The following MTAP variants were observed in gnomAD, a reference collection of about 807,000 sequenced individuals.
The protein encoded by MTAP is S-methyl-5'-thioadenosine phosphorylase.
A neutral mutation model predicts 33.6 loss-of-function variants in MTAP; 33 were observed. The ratio of observed to expected loss-of-function variants is 0.98; its 90% CI spans 0.74 to 1.31. The LOEUF (loss-of-function observed/expected upper bound fraction) is 1.31. MTAP is among the 40% of genes most tolerant of loss of function. The pLI, the probability that MTAP is intolerant of heterozygous loss-of-function variation, is 0.00. For missense variants in MTAP, 367 were observed against 360.0 expected, an observed-to-expected ratio of 1.02 and a Z score of -0.16; for synonymous variants, 148 against 125.7, an observed-to-expected ratio of 1.18 and a Z score of -1.19.
At position 21,865,383 on chromosome 9, in the gene MTAP, CT is replaced by C; in HGVS notation, c.*3372del. 1.1e-6 allele frequency: 1 copy of C among 946,390 alleles called. No individual in the cohort carries two copies. Among genetic ancestry groups the C allele is most frequent in the Non-Finnish European group, 1.3e-6 (1 of 794,428 alleles). The allele number at this position is 946,390 out of a possible 1,614,324, so 58.6% of individuals were successfully genotyped here. ...ACTGTGAGTTAATTAAACCTCTTTC[CT>C]TTATAAATTACCCAGTCATGGGCAG... On this transcript the variant is annotated 3_prime_UTR_variant, in exon 8 of 8. Transcript: ENST00000644715.
At chr9:21,901,390 C>A (rs1818390650) in intron 1 of MTAP, among the ~76,000 whole-genome samples, 1 of 152,004 alleles carries the variant, frequency 6.6e-6, no homozygotes, top group African/African-American at 2.4e-5. Context: ...AGTTTAATAG[C>A]ACAGGAGGAA....
rs1020757334 is a variant in MTAP at position 21,803,036 on chromosome 9, A to ACACC, written c.33+256_33+257insACCC. 9.6e-5 allele frequency: 100 copies of ACACC among 1,039,898 alleles called. 2 individuals carry two copies. Among genetic ancestry groups the ACACC allele is most frequent in the African/African-American group, 7.9e-4 (43 of 54,722 alleles). 64.4% of individuals were successfully genotyped at this position (1,039,898 alleles called of 1,614,324 possible). ...CACACACACACACACACACACACACACCACCTTTTGGCTTATCTGCACCCG... is the reference window on the plus strand; with the variant it reads ...CACACACACACACACACACACACACACACCCCACCTTTTGGCTTATCTGCACCCG... On this transcript the variant is annotated intron_variant, in intron 1 of 7. Transcript: ENST00000644715.
intron 1 of MTAP, among the ~76,000 whole-genome samples, chr9:21,890,172 G>C (rs1300458185): frequency 1.3e-5 from 2 of 152,006 alleles, no homozygotes; most frequent in Non-Finnish European, 2.9e-5. Flanking sequence ...TATGTTCCCA[G>C]GTGGATTATG....
At chr9:21,809,291 C>T (rs915122622) in intron 1 of MTAP, among the ~76,000 whole-genome samples, 2 of 152,118 alleles carry the variant, frequency 1.3e-5, no homozygotes, top group African/African-American at 4.8e-5. Context: ...TAGCTAGGAT[C>T]TCTTGGGACA....
At chr9:21,930,975 T>C (rs1818948422) in intron 1 of MTAP, 1 of 744,590 alleles carries the variant, frequency 1.3e-6, no homozygotes, top group South Asian at 1.4e-5. Context: ...AAAAATCTAA[T>C]AACCCAATTT....
At chr9:21,819,239 C>T (rs1051368366) in intron 4 of MTAP, among the ~76,000 whole-genome samples, 1 of 151,884 alleles carries the variant, frequency 6.6e-6, no homozygotes, top group African/African-American at 2.4e-5. Context: ...GTGCTGCACC[C>T]ATTAACTCGT....
At chr9:21,811,768 C>G in intron 1 of MTAP, 1 of 529,628 alleles carries the variant, frequency 1.9e-6, no homozygotes. Flanking sequence ...TGTACCAGTA[C>G]AGGAAAGCTT....
chr9:21,837,777 ATC>A, intron 4 of MTAP, 129 bp from the exon 5 acceptor site: 1 of 710,488 alleles, frequency 1.4e-6, no homozygotes, highest in Non-Finnish European at 2.4e-6. Flanking sequence ...TCTTTAGCTT[ATC>A]CAGAGGAATT....
At chr9:21,826,297 CA>C (rs1465438913) in intron 4 of MTAP, among the ~76,000 whole-genome samples, 1 of 149,980 alleles carries the variant, frequency 6.7e-6, no homozygotes, top group Non-Finnish European at 1.5e-5. Flanking sequence ...TTGGTTTGTT[CA>C]AATAAGGGTC....
At chr9:21,826,852 G>A (rs1199101274) in intron 4 of MTAP, among the ~76,000 whole-genome samples, 2 of 151,996 alleles carry the variant, frequency 1.3e-5, no homozygotes, top group Admixed American at 6.6e-5. Flanking sequence ...TGGGGCGAGA[G>A]CGAGCATTAC....
chr9:21,828,237 C>G (rs1824872615), intron 4 of MTAP, among the ~76,000 whole-genome samples: 1 of 152,208 alleles, frequency 6.6e-6, no homozygotes, highest in Non-Finnish European at 1.5e-5. Flanking sequence ...AGTTCAAAGT[C>G]TCTAATAAGT....
intron 1 of MTAP, among the ~76,000 whole-genome samples, chr9:21,911,697 C>T (rs564263492): frequency 6.6e-6 from 1 of 151,964 alleles, no homozygotes; most frequent in Non-Finnish European, 1.5e-5. Context: ...AAAATTGACA[C>T]CCTAACATCA....
intron 4 of MTAP, among the ~76,000 whole-genome samples, chr9:21,818,694 G>A (rs1824550587): frequency 6.6e-6 from 1 of 151,994 alleles, no homozygotes; most frequent in Non-Finnish European, 1.5e-5. Flanking sequence ...GTATATATGA[G>A]GTATAACATT....
At position 21,865,186 on chromosome 9, in the gene MTAP, C is replaced by A; in HGVS notation, c.*3172C>A. The A allele has an allele frequency of 1.4e-6, 1 of 711,842 alleles. No homozygotes were observed. Among genetic ancestry groups the A allele is most frequent in the Non-Finnish European group, 1.7e-6 (1 of 580,192 alleles). 44.1% of individuals were successfully genotyped at this position (711,842 alleles called of 1,614,324 possible). A position where few individuals can be genotyped will look rare whatever the true frequency, so the allele number is the denominator to read the frequency against. ...GGTAATTAAATCATGGGGGTGGTTA[C>A]CCCCACACTGCTGTTCTCATGATAC... On this transcript the variant is annotated 3_prime_UTR_variant, in exon 8 of 8. Coordinates refer to ENST00000644715, the MANE Select transcript of MTAP (RefSeq NM_002451.4).
chr9:21,908,572 G>C (rs1000511466), intron 1 of MTAP, among the ~76,000 whole-genome samples: 1 of 152,060 alleles, frequency 6.6e-6, no homozygotes, highest in African/African-American at 2.4e-5. Context: ...TTATATAGTA[G>C]ATCATGTTTT....
chr9:21,916,495 AGCTACTCCAGAG>A lies in MTAP; in HGVS notation c.148-14509_148-14498del, dbSNP rs549506256. Among the ~76,000 whole-genome samples the A allele has an allele frequency of 5.3e-5, 8 of 152,220 alleles. No homozygotes were observed. The East Asian group carries it at 1.6e-3, about 30-fold the overall frequency. On this transcript the variant is annotated intron_variant, in intron 1 of 1. Coordinates refer to the MTAP transcript ENST00000577563. Reference sequence around the variant, plus strand: ...CATGGTGGCAGGCACTTGTAATCCTAGCTACTCCAGAGGCTGAGTCAGGAGAATCACTTGAAC... The same window carrying A: ...CATGGTGGCAGGCACTTGTAATCCTAGCTGAGTCAGGAGAATCACTTGAAC...
chr9:21,881,760 C>T (rs1290433487), intron 1 of MTAP, among the ~76,000 whole-genome samples: 3 of 151,936 alleles, frequency 2.0e-5, no homozygotes. Context: ...AATTGGAACC[C>T]TTCCACACTT....
chr9:21,820,157 T>A (rs1252260935), intron 4 of MTAP, among the ~76,000 whole-genome samples: 1 of 152,216 alleles, frequency 6.6e-6, no homozygotes, highest in Admixed American at 6.5e-5. Context: ...TTAGATCCCA[T>A]TTGTCAATTT....
At chr9:21,888,971 G>A (rs1016014927) in intron 1 of MTAP, among the ~76,000 whole-genome samples, 1 of 152,100 alleles carries the variant, frequency 6.6e-6, no homozygotes, top group Non-Finnish European at 1.5e-5. Context: ...CTAGAAGAGA[G>A]TGGGGTCCTA....
Sources: gnomAD v4.1 joint callset for allele counts (sites outside exome capture counted in the v4.1 genomes callset) on GRCh38, gnomAD v4.1.1 for gene constraint, MANE v1.5 for transcripts, NCBI Gene and HGNC (gene_info 2026-07-23, HGNC 2026-07-21) for gene names.